The following PAPPA variants were observed in gnomAD, a reference collection of about 807,000 sequenced individuals.
PAPPA encodes the protein pappalysin 1.
A neutral mutation model predicts 164.0 loss-of-function variants in PAPPA; 60 were observed. The ratio of observed to expected loss-of-function variants is 0.37; its 90% confidence interval spans 0.30 to 0.45. PAPPA has a LOEUF of 0.45. Ranked by LOEUF, PAPPA falls within the 20% of genes least tolerant of loss-of-function variation. The pLI is 1.00. For missense variants in PAPPA, 1,782 were observed against 2,087.3 expected, an observed-to-expected ratio of 0.85 and a Z score of 2.85; for synonymous variants, 875 against 814.1, an observed-to-expected ratio of 1.07 and a Z score of -1.27.
At chr9:116,214,316 A>G (rs1459209404) in intron 4 of PAPPA, among the ~76,000 whole-genome samples, 2 of 152,182 alleles carry the variant, frequency 1.3e-5, no homozygotes, top group Non-Finnish European at 2.9e-5. Flanking sequence ...CGGACACTGT[A>G]TGAAATTTTT....
chr9:116,218,787 G>A (rs1844407020), intron 4 of PAPPA, among the ~76,000 whole-genome samples: 1 of 152,104 alleles, frequency 6.6e-6, no homozygotes, highest in Non-Finnish European at 1.5e-5. Context: ...AGGACTGCCT[G>A]GGTTCAAACC....
At chr9:116,232,825 G>C (rs1167816171) in intron 6 of PAPPA, among the ~76,000 whole-genome samples, 2 of 152,204 alleles carry the variant, frequency 1.3e-5, no homozygotes, top group Non-Finnish European at 2.9e-5. Context: ...CTGTTTACTT[G>C]CTTGAGCATA....
At chr9:116,317,954 A>G (rs1336606674) in intron 10 of PAPPA, among the ~76,000 whole-genome samples, 1 of 152,266 alleles carries the variant, frequency 6.6e-6, no homozygotes, top group African/African-American at 2.4e-5. Context: ...AACTACAGAA[A>G]GTTAGCAATG....
chr9:116,223,449 T>G (rs932063159), intron 5 of PAPPA, among the ~76,000 whole-genome samples: 2 of 152,344 alleles, frequency 1.3e-5, no homozygotes, highest in South Asian at 4.1e-4. Flanking sequence ...TGTAATGAGA[T>G]ATGTCTCTAT....
chr9:116,227,353 A>T, intron 5 of PAPPA, 78 bp from the exon 6 acceptor site: 12 of 1,483,010 alleles, frequency 8.1e-6, no homozygotes, highest in Non-Finnish European at 1.1e-5. Flanking sequence ...TGCCCCATTG[A>T]CTCTGGCCTA....
At chr9:116,359,860 A>G (rs1846401148) in intron 17 of PAPPA, among the ~76,000 whole-genome samples, 1 of 152,246 alleles carries the variant, frequency 6.6e-6, no homozygotes, top group Admixed American at 6.5e-5. Flanking sequence ...TGAAGTGCCA[A>G]CCTACCAGTA....
chr9:116,351,369 A>C (rs866054023), intron 15 of PAPPA, among the ~76,000 whole-genome samples: 1 of 152,244 alleles, frequency 6.6e-6, no homozygotes, highest in Admixed American at 6.5e-5. Flanking sequence ...AGGGAAGTGA[A>C]GAAAGGAAAG....
At position 116,219,842 on chromosome 9, in the gene PAPPA, T is replaced by G. The variant is rs1027022618; in HGVS notation, c.1919-95T>G. ...CTGAGTTGGCAAGGAACGACTTGGG[T>G]GCTGACTCTTGGGCCGCCAGGAGCC... On this transcript the variant is annotated intron_variant, in intron 4 of 21. Transcript: ENST00000328252. 39 of 993,316 alleles carry G rather than the reference T, an allele frequency of 3.9e-5. No homozygotes were observed. In the South Asian group the frequency reaches 6.0e-4, roughly 15 times the overall value. The allele number at this position is 993,316 out of a possible 1,614,324, so 61.5% of individuals were successfully genotyped here.
chr9:116,387,084 A>AACTC (rs943006640), intron 21 of PAPPA, among the ~76,000 whole-genome samples: 4 of 151,982 alleles, frequency 2.6e-5, no homozygotes, highest in African/African-American at 9.7e-5. Flanking sequence ...CGCTCAGAGA[A>AACTC]ACTCACCCCT....
intron 20 of PAPPA, 49 bp downstream of exon 20, chr9:116,377,696 G>A (rs1564248277): frequency 7.6e-7 from 1 of 1,319,050 alleles, no homozygotes; most frequent in South Asian, 1.2e-5. Flanking sequence ...TAATCCTGCT[G>A]TTGTTATTGT....
At chr9:116,296,826 G>A (rs1377980673) in intron 9 of PAPPA, among the ~76,000 whole-genome samples, 1 of 151,880 alleles carries the variant, frequency 6.6e-6, no homozygotes, top group Non-Finnish European at 1.5e-5. Context: ...CCAAGCTAAG[G>A]AAAATGATGT....
intron 8 of PAPPA, among the ~76,000 whole-genome samples, chr9:116,267,881 C>CACAAA (rs1845089130): frequency 1.7e-5 from 1 of 57,598 alleles, no homozygotes; most frequent in Non-Finnish European, 3.3e-5. Flanking sequence ...GACTCCGTCT[C>CACAAA]AAAAAAAAAA....
intron 1 of PAPPA, among the ~76,000 whole-genome samples, chr9:116,177,725 C>T (rs939148802): frequency 2.6e-5 from 4 of 152,114 alleles, no homozygotes; most frequent in African/African-American, 9.7e-5. Context: ...ATTAAAATGA[C>T]CGAAGGAAAG....
At chr9:116,363,822 G>C (rs7027103) in intron 18 of PAPPA, among the ~76,000 whole-genome samples, 23,611 of 152,150 alleles carry the variant, frequency 0.16, 2,070 homozygotes, top group Non-Finnish European at 0.2. Flanking sequence ...CATGGGGACT[G>C]TCCATCCTTT....
intron 21 of PAPPA, among the ~76,000 whole-genome samples, chr9:116,391,730 C>G (rs947904141): frequency 6.6e-6 from 1 of 152,222 alleles, no homozygotes; most frequent in African/African-American, 2.4e-5. Flanking sequence ...CTTGCTAACA[C>G]AATCCCAGAG....
rs565624319 is a variant in PAPPA at position 116,265,936 on chromosome 9, G to A, written c.2812G>A (p.Val938Ile). Reference protein sequence around the residue: ...GTEESEPSPAVTYIHGSGYCG... With the variant: ...GTEESEPSPAITYIHGSGYCG... ...TGAAGAGAGTGAGCCATCACCTGCT[G>A]TCACATACATCCATGGAAGTGGGTA... Residue 938 changes from valine (V) to isoleucine (I), a missense_variant, in exon 8 of 22, where the codon GTC becomes ATC. Val to Ile is a conservative substitution (Grantham distance 29). Transcript: ENST00000328252. The A allele has an allele frequency of 3.3e-5, 54 of 1,612,994 alleles. No individual in the cohort carries two copies. In the East Asian group the frequency reaches 9.6e-4, roughly 29 times the overall value.
chr9:116,216,499 G>A (rs1281331712), intron 4 of PAPPA, among the ~76,000 whole-genome samples: 1 of 152,170 alleles, frequency 6.6e-6, no homozygotes, highest in Non-Finnish European at 1.5e-5. Context: ...TCTGCTTTGG[G>A]ACAAGATACA....
At chr9:116,334,172 C>G (rs927990783) in intron 12 of PAPPA, among the ~76,000 whole-genome samples, 3 of 150,446 alleles carry the variant, frequency 2.0e-5, no homozygotes, top group Admixed American at 6.6e-5. Context: ...CCTTCTGTCC[C>G]TTGTGTATCT....
intron 9 of PAPPA, among the ~76,000 whole-genome samples, chr9:116,278,653 C>T (rs1210951430): frequency 4.4e-5 from 6 of 136,050 alleles, no homozygotes; most frequent in South Asian, 2.1e-4. Flanking sequence ...GTAGCCAAAT[C>T]GTTTTTTTTT....
Sources: gnomAD v4.1 joint callset for allele counts (sites outside exome capture counted in the v4.1 genomes callset) on GRCh38, gnomAD v4.1.1 for gene constraint, MANE v1.5 for transcripts, NCBI Gene and HGNC (gene_info 2026-07-23, HGNC 2026-07-21) for gene names.